B4GALNT3: variants seen among roughly 807,000 people sequenced by gnomAD.
B4GALNT3 encodes beta-1,4-N-acetylgalactosaminyltransferase 3.
Under a neutral mutation model 120.2 loss-of-function variants are expected in B4GALNT3, and 86 were observed. The ratio of observed to expected loss-of-function variants is 0.72; its 90% CI spans 0.60 to 0.86. B4GALNT3 has a LOEUF of 0.86. Among genes scored for constraint, B4GALNT3 ranks in the 40% least tolerant of loss-of-function variants. The pLI is 0.00. For synonymous variants in B4GALNT3, 518 were observed against 510.4 expected (o/e 1.01, Z -0.20); for missense variants, 1,167 against 1,298.9 (o/e 0.90, Z 1.56).
In B4GALNT3 at chr12:535,237, C is replaced by T; in HGVS notation, c.241C>T (p.Gln81Ter). The change falls in exon 2 of 20, where the codon CAG becomes TAG. Residue 81 changes from glutamine to a stop codon, truncating the protein, a stop_gained. Coordinates refer to ENST00000266383, the MANE Select transcript of B4GALNT3 (RefSeq NM_173593.4). LOFTEE classifies it high-confidence loss of function. ...CATTCCAGCTGTGGATCCACACCTC[C>T]AGTTCTACCATCCCCAGAGGCTGAG... The part of the protein sequence containing the change: ...RNIPAVDPHL[Q>*]FYHPQRLSLE... The T allele has an allele frequency of 1.9e-6, 3 of 1,614,024 alleles. No homozygotes were observed. Among genetic ancestry groups the T allele is most frequent in the Non-Finnish European group, 2.5e-6 (3 of 1,179,990 alleles).
In B4GALNT3 at chr12:553,946, C is replaced by T. The variant is rs199814733; in HGVS notation, c.2023C>T (p.Arg675Ter). The change falls in exon 14 of 20, where the codon CGA becomes TGA. Residue 675 changes from arginine (R) to a stop codon, truncating the protein, a stop_gained. Transcript: ENST00000266383. LOFTEE classifies it high-confidence loss of function. ...LPEQEALEVT[R>*]VFLKKLNQRS... is the part of the protein sequence containing the mutation. ...AGAGCAGGAAGCTCTGGAGGTCACGCGAGTCTTCTTGAAGAAGCTCAACCA... is the reference window on the plus strand; with the variant it reads ...AGAGCAGGAAGCTCTGGAGGTCACGTGAGTCTTCTTGAAGAAGCTCAACCA... 1.1e-5 allele frequency: 18 copies of T among 1,613,716 alleles called. No homozygotes were observed. Among genetic ancestry groups the T allele is most frequent in the South Asian group, 3.3e-5 (3 of 91,076 alleles).
chr12:488,397 A>G (rs1382704243), intron 1 of B4GALNT3, among the ~76,000 whole-genome samples: 2 of 152,210 alleles, frequency 1.3e-5, no homozygotes, highest in Non-Finnish European at 2.9e-5. Context: ...AAAAATTGTA[A>G]TTCTTCATTG....
chr12:473,958 A>G (rs1464969061), intron 1 of B4GALNT3, among the ~76,000 whole-genome samples: 1 of 152,178 alleles, frequency 6.6e-6, no homozygotes, highest in Non-Finnish European at 1.5e-5. Flanking sequence ...CAGTCCTAAG[A>G]CAGATAACTC....
intron 19 of B4GALNT3, among the ~76,000 whole-genome samples, chr12:560,161 C>T (rs1011690163): frequency 1.3e-5 from 2 of 152,068 alleles, no homozygotes; most frequent in Non-Finnish European, 2.9e-5. Context: ...GAGATCTGAG[C>T]CTATGGTGAG....
In B4GALNT3 at chr12:556,805, G is replaced by T. The variant is rs891881042; in HGVS notation, c.2319G>T (p.Lys773Asn). The change falls in exon 15 of 20, where the codon AAG becomes AAT. Residue 773 changes from lysine to asparagine, a missense_variant. Lys to Asn is a moderately conservative substitution (Grantham distance 94). Transcript: ENST00000266383. ...QVLNTRAQEP[K>N]LCWPQGFSWS... ...TGAATACCCGGGCCCAAGAGCCCAA[G>T]CTGTGCTGGCCTCAGGGTTTCTCCT... 1.9e-6 allele frequency: 3 copies of T among 1,613,842 alleles called. No individual in the cohort carries two copies. The highest frequency in any genetic ancestry group is 1.6e-4 in the Middle Eastern group (1 of 6,062).
rs367904350 is a variant in B4GALNT3 at position 502,528 on chromosome 12, A to G, written c.170-32638A>G. On this transcript the variant is annotated intron_variant, in intron 1 of 19. Coordinates refer to ENST00000266383, the MANE Select transcript of B4GALNT3 (RefSeq NM_173593.4). ...AGAGACATGTTAAGAGACGGATACA[A>G]AGGGATTGGAAAGAGAAAGGAGAAA... 1.6e-4 allele frequency among the ~76,000 whole-genome samples: 23 copies of G among 147,046 alleles called. 7 individuals are homozygous for G. Among genetic ancestry groups the G allele is most frequent in the Admixed American group, 2.1e-4 (3 of 14,564 alleles).
At chr12:537,875 G>T (rs543447521) in intron 3 of B4GALNT3, among the ~76,000 whole-genome samples, 1 of 152,260 alleles carries the variant, frequency 6.6e-6, no homozygotes, top group African/African-American at 2.4e-5. Context: ...TTGCTCTGGG[G>T]CAGGAGTGAA....
At chr12:541,034 T>C (rs1946909007) in intron 3 of B4GALNT3, among the ~76,000 whole-genome samples, 2 of 152,326 alleles carry the variant, frequency 1.3e-5, no homozygotes, top group Non-Finnish European at 2.9e-5. Context: ...TGAGCCACCG[T>C]GCCCGGCAGC....
chr12:504,994 G>A (rs546026882), intron 1 of B4GALNT3, among the ~76,000 whole-genome samples: 13 of 151,818 alleles, frequency 8.6e-5, no homozygotes, highest in African/African-American at 1.7e-4. Context: ...GGGTTCAAGC[G>A]ATCCTCCTGC....
Position 509,355 on chromosome 12 carries a change from G to T in B4GALNT3, c.170-25811G>T, listed in dbSNP as rs143441504. Among the ~76,000 whole-genome samples, 18 of 152,342 alleles carry T rather than the reference G, an allele frequency of 1.2e-4. No homozygotes were observed. In the East Asian group the frequency reaches 3.5e-3, roughly 29 times the overall value. On this transcript the variant is annotated intron_variant, in intron 1 of 19. Coordinates refer to ENST00000266383, the MANE Select transcript of B4GALNT3 (RefSeq NM_173593.4). ...ACTGTGCTTTAGGAAACTCATGCGC[G>T]TGGAGAGGACAGGAGGAAAGGAGAT...
chr12:512,991 TCCTTCCACCTTCCACCTTCCGCCTTCCA>T (rs1946610810), intron 1 of B4GALNT3, among the ~76,000 whole-genome samples: 1 of 122,932 alleles, frequency 8.1e-6, no homozygotes, highest in Non-Finnish European at 1.8e-5. Flanking sequence ...CCTTCGATCT[TCCTTCCACCTTCCACCTTCCGCCTTCCA>T]CCTTCCACCT....
In B4GALNT3 at chr12:460,401, C is replaced by T. The variant is rs905712850; in HGVS notation, c.25C>T (p.Pro9Ser). Residue 9 changes from proline (P) to serine (S), a missense_variant, in exon 1 of 20, where the codon CCC becomes TCC. By Grantham distance (74) the Pro-to-Ser change is moderately conservative. Coordinates refer to ENST00000266383, the MANE Select transcript of B4GALNT3 (RefSeq NM_173593.4). The surrounding 1 kb of genome is among the most constrained non-coding windows in gnomAD (Gnocchi z 8.0). ...CATGGGGAGCCCCCGGGCCGCGCGG[C>T]CCCCGCTGCTCCTGCGCCCGGTGAA... MGSPRAAR[P>S]PLLLRPVKLL... 31 of 1,493,586 alleles carry T rather than the reference C, an allele frequency of 2.1e-5. No individual in the cohort carries two copies. In the African/African-American group the frequency reaches 2.3e-4, roughly 11 times the overall value. 92.5% of individuals were successfully genotyped at this position (1,493,586 alleles called of 1,614,324 possible). A position where few individuals can be genotyped will look rare whatever the true frequency, so the allele number is the denominator to read the frequency against.
intron 3 of B4GALNT3, among the ~76,000 whole-genome samples, chr12:542,166 A>G (rs772805797): frequency 2.4e-4 from 37 of 152,146 alleles, no homozygotes; most frequent in Middle Eastern, 3.4e-3. Flanking sequence ...CAAGGCCCAC[A>G]TTCCTGGCAT....
At chr12:555,991 G>C (rs569013415) in intron 14 of B4GALNT3, among the ~76,000 whole-genome samples, 1 of 151,424 alleles carries the variant, frequency 6.6e-6, no homozygotes, top group African/African-American at 2.4e-5. Context: ...CACCATATTA[G>C]CCAGGCTGGT....
intron 1 of B4GALNT3, among the ~76,000 whole-genome samples, chr12:516,524 A>G (rs1050809099): frequency 2.0e-5 from 3 of 152,200 alleles, no homozygotes; most frequent in African/African-American, 4.8e-5. Flanking sequence ...AAGGTCGGAG[A>G]TTTAATCTGC....
At position 560,413 on chromosome 12, in the gene B4GALNT3, A is replaced by G. The variant is rs913533637; in HGVS notation, c.2889-930A>G. ...CCCAGACCTCAGTGAGGTCGGCATC[A>G]TGATCTCCATTTTCCAGATGAGAAG... On this transcript the variant is annotated intron_variant, in intron 19 of 19. Transcript: ENST00000266383. Among the ~76,000 whole-genome samples the G allele has an allele frequency of 7.2e-5, 11 of 152,180 alleles. No homozygotes were observed. In the East Asian group the frequency reaches 1.2e-3, roughly 16 times the overall value.
intron 1 of B4GALNT3, among the ~76,000 whole-genome samples, chr12:503,119 T>C (rs951395482): frequency 6.6e-6 from 1 of 152,102 alleles, no homozygotes; most frequent in Non-Finnish European, 1.5e-5. Flanking sequence ...ACAGAGGCAA[T>C]AATAGGAAGT....
chr12:503,986 G>A (rs559967977), intron 1 of B4GALNT3, among the ~76,000 whole-genome samples: 41 of 152,096 alleles, frequency 2.7e-4, no homozygotes, highest in African/African-American at 8.0e-4. Flanking sequence ...GTGGTGGCAC[G>A]CGCCTGTAGT....
intron 1 of B4GALNT3, among the ~76,000 whole-genome samples, chr12:525,559 G>C (rs1378433142): frequency 6.6e-6 from 1 of 152,042 alleles, no homozygotes; most frequent in East Asian, 1.9e-4. Context: ...TTTTCATTCT[G>C]GTTCCTTCTC....
Sources: allele counts gnomAD v4.1 joint callset (sites outside exome capture counted in the v4.1 genomes callset), GRCh38; gene constraint gnomAD v4.1.1; non-coding constraint Gnocchi (gnomAD v3.1); transcripts MANE v1.5; gene names NCBI Gene and HGNC (gene_info 2026-07-23, HGNC 2026-07-21).